Variants in MROH2B observed in about 807,000 individuals in gnomAD.
MROH2B encodes maestro heat like repeat family member 2B, also known as maestro heat-like repeat-containing protein family member 2B.
A neutral mutation model predicts 208.6 loss-of-function variants in MROH2B; 177 were observed. The ratio of observed to expected loss-of-function variants is 0.85; its 90% CI spans 0.75 to 0.96. MROH2B has a LOEUF of 0.96. Among genes scored for constraint, MROH2B ranks in the 40% least tolerant of loss-of-function variants. The pLI, the probability that MROH2B is intolerant of heterozygous loss-of-function variation, is 0.00. For synonymous variants in MROH2B, 728 were observed against 659.0 expected, an observed-to-expected ratio of 1.10 and a Z score of -1.60; for missense variants, 2,002 against 1,878.7, an observed-to-expected ratio of 1.07 and a Z score of -1.21.
At chr5:41,066,468 C>T (rs938041542) in intron 3 of MROH2B, among the ~76,000 whole-genome samples, 4 of 152,250 alleles carry the variant, frequency 2.6e-5, no homozygotes, top group African/African-American at 7.2e-5. Flanking sequence ...CAGGGCCAAC[C>T]AGTGGTGAGA....
At chr5:41,031,694 G>A (rs1322374210) in intron 24 of MROH2B, among the ~76,000 whole-genome samples, 1 of 151,962 alleles carries the variant, frequency 6.6e-6, no homozygotes, top group Non-Finnish European at 1.5e-5. Flanking sequence ...TAATCAATAA[G>A]CATAGAACCA....
intron 29 of MROH2B, among the ~76,000 whole-genome samples, 159 bp downstream of exon 29, chr5:41,015,222 G>A (rs567866815): frequency 1.1e-3 from 171 of 152,326 alleles, no homozygotes; most frequent in Non-Finnish European, 2.0e-3. Context: ...AGTAATGAGT[G>A]TTGACTAGGC....
intron 24 of MROH2B, among the ~76,000 whole-genome samples, chr5:41,031,524 A>AT (rs894651250): frequency 2.6e-5 from 4 of 152,132 alleles, no homozygotes; most frequent in African/African-American, 9.6e-5. Flanking sequence ...GGTTTTTATT[A>AT]TTTTTTAAAA....
In MROH2B at chr5:41,018,347, A is replaced by G; in HGVS notation, c.2757T>C (p.Asp919=). 3.1e-6 allele frequency: 5 copies of G among 1,612,318 alleles called. No homozygotes were observed. Among genetic ancestry groups the G allele is most frequent in the Non-Finnish European group, 4.2e-6 (5 of 1,179,282 alleles). Residue 919 remains aspartate (D), a synonymous_variant, in exon 27 of 42, where the codon GAT becomes GAC. Coordinates refer to ENST00000399564, the MANE Select transcript of MROH2B (RefSeq NM_173489.5). ...FQITAKVLTN[D]IEAPENFKIG... ...ATTCTAGGGGATTACTTACCTCAATATCATTTGTCAGCACTTTCGCAGTGA... is the reference window on the plus strand; with the variant it reads ...ATTCTAGGGGATTACTTACCTCAATGTCATTTGTCAGCACTTTCGCAGTGA...
At chr5:41,001,849 G>A (rs1407330641) in intron 37 of MROH2B, among the ~76,000 whole-genome samples, 1 of 152,060 alleles carries the variant, frequency 6.6e-6, no homozygotes, top group East Asian at 1.9e-4. Flanking sequence ...TTTCATGGAG[G>A]TTTTTTTATT....
chr5:41,012,738 GA>G lies in MROH2B; in HGVS notation c.2983-4del. 1.9e-6 allele frequency: 3 copies of G among 1,612,964 alleles called. No individual in the cohort carries two copies. Among genetic ancestry groups the G allele is most frequent in the Non-Finnish European group, 2.5e-6 (3 of 1,179,488 alleles). On this transcript the variant is annotated splice_polypyrimidine_tract_variant and splice_region_variant and intron_variant, in intron 29 of 41. Transcript: ENST00000399564. ...TTTGGGATGAACTTACTGACAATCT[GA>G]AAATGCACCCAGAAAGATTCGTGTA...
At position 41,065,475 on chromosome 5, in the gene MROH2B, T is replaced by A; in HGVS notation, c.217A>T (p.Arg73Ter). 1.2e-6 allele frequency: 2 copies of A among 1,612,892 alleles called. No homozygotes were observed. Among genetic ancestry groups the A allele is most frequent in the Non-Finnish European group, 1.7e-6 (2 of 1,179,440 alleles). ...ACCAAAACCTCACCAGCTAGCATTC[T>A]GATTTCTCTGAGCATCTGAGGAGGA... ...MRDNNMLREI[R>*]MLAGEVLVSL... The change falls in exon 4 of 42, where the codon AGA (arginine) becomes TGA (stop). Residue 73 changes from arginine (R) to a stop codon, truncating the protein, a stop_gained. Coordinates refer to ENST00000399564, the MANE Select transcript of MROH2B (RefSeq NM_173489.5). LOFTEE classifies it high-confidence loss of function.
chr5:41,023,765 G>T lies in MROH2B; in HGVS notation c.2442-4747C>A, dbSNP rs574835351. On this transcript the variant is annotated intron_variant, in intron 24 of 41. Transcript: ENST00000399564. ...TCAAAGTTGAAATGAAGGAAAAAATGTTAAGGCCAGCCAGAGAGAAAGGTC... is the reference window on the plus strand; with the variant it reads ...TCAAAGTTGAAATGAAGGAAAAAATTTTAAGGCCAGCCAGAGAGAAAGGTC... 1.3e-4 allele frequency among the ~76,000 whole-genome samples: 20 copies of T among 152,310 alleles called. 1 individual carries two copies. The South Asian group carries it at 3.3e-3, about 25-fold the overall frequency.
At chr5:41,031,859 A>G (rs534694724) in intron 24 of MROH2B, among the ~76,000 whole-genome samples, 3 of 152,044 alleles carry the variant, frequency 2.0e-5, no homozygotes, top group Non-Finnish European at 4.4e-5. Context: ...TAATCTGCTT[A>G]GGTTTATGGC....
rs766488219 is a variant in MROH2B at position 41,000,238 on chromosome 5, C to T, written c.4464G>A (p.Arg1488=). 6.2e-7 allele frequency: 1 copy of T among 1,613,828 alleles called. No homozygotes were observed. The highest frequency in any genetic ancestry group is 8.5e-7 in the Non-Finnish European group (1 of 1,179,804). ...CACTCACCAGTTTCACACAGAATTG[C>T]CTGTAGAAATCCCTGGCCCTTGGTA... ...QDLPRARDFY[R]QFCVKLAKKN... is the part of the protein sequence containing the mutation. Residue 1488 remains arginine (R), a synonymous_variant, in exon 39 of 42, where the codon AGG becomes AGA. Transcript: ENST00000399564.
intron 18 of MROH2B, among the ~76,000 whole-genome samples, chr5:41,044,914 C>A: frequency 6.6e-6 from 1 of 152,134 alleles, no homozygotes; most frequent in East Asian, 1.9e-4. Context: ...TCACCAGGGA[C>A]TTTATATACT....
chr5:40,998,711 A>C, intron 40 of MROH2B, 34 bp from the exon 41 acceptor site: 53 of 1,529,592 alleles, frequency 3.5e-5, no homozygotes, highest in Non-Finnish European at 4.2e-5. Flanking sequence ...TACTGATTTC[A>C]TTATAGAGGA....
intron 6 of MROH2B, among the ~76,000 whole-genome samples, chr5:41,059,072 C>T (rs1743556855): frequency 1.4e-5 from 2 of 144,592 alleles, no homozygotes; most frequent in South Asian, 4.6e-4. Flanking sequence ...AAAAAAGAAT[C>T]TTCACCGATT....
intron 24 of MROH2B, among the ~76,000 whole-genome samples, chr5:41,023,356 T>C (rs1008626227): frequency 2.0e-5 from 3 of 152,180 alleles, no homozygotes; most frequent in East Asian, 1.9e-4. Context: ...AATGACCTGA[T>C]GGAGCTGAAA....
intron 24 of MROH2B, among the ~76,000 whole-genome samples, chr5:41,021,389 G>C (rs1210607584): frequency 6.6e-6 from 1 of 152,202 alleles, no homozygotes; most frequent in African/African-American, 2.4e-5. Context: ...CAGATTTAAT[G>C]TAATTCCTAT....
intron 24 of MROH2B, among the ~76,000 whole-genome samples, chr5:41,024,099 A>C (rs533396455): frequency 6.6e-6 from 1 of 152,208 alleles, no homozygotes; most frequent in African/African-American, 2.4e-5. Context: ...TGTAAAGACC[A>C]TCAAGGCTAG....
Position 41,038,721 on chromosome 5 carries a change from T to C in MROH2B, c.2214+15A>G, listed in dbSNP as rs1182517079. 4.4e-6 allele frequency: 7 copies of C among 1,591,678 alleles called. No individual in the cohort carries two copies. The highest frequency in any genetic ancestry group is 2.7e-5 in the African/African-American group (2 of 74,234). On this transcript the variant is annotated intron_variant, in intron 21 of 41. Transcript: ENST00000399564. ...CCCAGCCTAGAAATGGAGGCAGCCA[T>C]GCAACGGGCATTACCTGAGAGCACT...
At chr5:41,014,449 G>A (rs370733420) in intron 29 of MROH2B, among the ~76,000 whole-genome samples, 1 of 152,134 alleles carries the variant, frequency 6.6e-6, no homozygotes, top group Non-Finnish European at 1.5e-5. Context: ...GGGTAGGGGG[G>A]TGCGGAGGGA....
intron 24 of MROH2B, among the ~76,000 whole-genome samples, chr5:41,025,208 G>T (rs1742307256): frequency 6.6e-6 from 1 of 151,770 alleles, no homozygotes; most frequent in Non-Finnish European, 1.5e-5. Context: ...AGGAGATAGA[G>T]ACACAAAAAG....
Sources: allele counts gnomAD v4.1 joint callset (sites outside exome capture counted in the v4.1 genomes callset), GRCh38; gene constraint gnomAD v4.1.1; transcripts MANE v1.5; gene names NCBI Gene and HGNC (gene_info 2026-07-23, HGNC 2026-07-21).